The following EBF2 variants were observed in gnomAD, a reference collection of about 807,000 sequenced individuals.
EBF2 encodes the protein transcription factor COE2.
EBF2 carries 21 observed loss-of-function variants against 72.8 expected under a neutral mutation model. The observed-to-expected ratio is 0.29, with a 90% confidence interval of 0.20 to 0.42. The LOEUF (loss-of-function observed/expected upper bound fraction) is 0.42, where lower values mean the gene tolerates loss of function less well. Ranked by LOEUF, EBF2 falls within the 10% of genes least tolerant of loss-of-function variation. The pLI is 1.00. For synonymous variants in EBF2, 299 were observed against 274.2 expected, an observed-to-expected ratio of 1.09 and a Z score of -0.89; for missense variants, 637 against 731.2, an observed-to-expected ratio of 0.87 and a Z score of 1.49.
At chr8:26,012,965 C>A (rs915029548) in intron 6 of EBF2, among the ~76,000 whole-genome samples, 5 of 152,166 alleles carry the variant, frequency 3.3e-5, no homozygotes, top group Admixed American at 6.5e-5. Context: ...CCCTGCCCAC[C>A]TGTAGCAGAG....
chr8:25,980,785 C>CAA (rs1491292138), intron 6 of EBF2, among the ~76,000 whole-genome samples: 1 of 42,008 alleles, frequency 2.4e-5, no homozygotes, highest in African/African-American at 7.6e-5. Flanking sequence ...GGGAGGCCAC[C>CAA]ACAAAAAAAA....
chr8:25,950,192 GT>G (rs1203317293), intron 6 of EBF2, among the ~76,000 whole-genome samples: 1 of 152,186 alleles, frequency 6.6e-6, no homozygotes, highest in African/African-American at 2.4e-5. Context: ...ATAACAGAAT[GT>G]TCGCTAGATT....
intron 7 of EBF2, among the ~76,000 whole-genome samples, chr8:25,906,929 A>C (rs751492991): frequency 2.0e-5 from 3 of 152,068 alleles, no homozygotes; most frequent in Admixed American, 2.0e-4. Flanking sequence ...TGATGGGGTT[A>C]AAAAATACTA....
rs1415421584 is a variant in EBF2, at chr8:25,940,817, T to C, written c.552-32262A>G. On this transcript the variant is annotated intron_variant, in intron 6 of 15. Coordinates refer to ENST00000520164, the MANE Select transcript of EBF2 (RefSeq NM_022659.4). ...ATGATTTCATTCATTGCATTTTCCA[T>C]GTGCCTCTTGAGGGAAGGCATGTGG... 9.2e-5 allele frequency among the ~76,000 whole-genome samples: 14 copies of C among 152,228 alleles called. 1 individual carries two copies. Among genetic ancestry groups the C allele is most frequent in the Admixed American group, 9.2e-4 (14 of 15,286 alleles).
intron 6 of EBF2, among the ~76,000 whole-genome samples, chr8:25,998,821 A>G (rs995799192): frequency 2.0e-5 from 3 of 152,232 alleles, no homozygotes; most frequent in Non-Finnish European, 4.4e-5. Context: ...ACTACCTGGC[A>G]TTACACAAAA....
intron 1 of EBF2, among the ~76,000 whole-genome samples, chr8:26,043,523 G>A (rs1032479733): frequency 2.6e-5 from 4 of 152,180 alleles, no homozygotes; most frequent in African/African-American, 9.7e-5. Flanking sequence ...GAAGCGCTGC[G>A]GAAAGCCGCG....
chr8:26,038,638 A>G (rs1370248850), intron 5 of EBF2, among the ~76,000 whole-genome samples: 1 of 152,244 alleles, frequency 6.6e-6, no homozygotes, highest in African/African-American at 2.4e-5. Flanking sequence ...TATATGAACT[A>G]CATCTCAGAA....
rs148424395 is a variant in EBF2 at position 25,988,955 on chromosome 8, T to C, written c.551+44130A>G. Among the ~76,000 whole-genome samples, 111 of 152,376 alleles carry C rather than the reference T, an allele frequency of 7.3e-4. 1 individual carries two copies. Among genetic ancestry groups the C allele is most frequent in the Admixed American group, 2.1e-3 (32 of 15,310 alleles). ...TACACAAAAACTAAACTAGCAACAT[T>C]GTATCATCCTATCATATTTAATTAA... On this transcript the variant is annotated intron_variant, in intron 6 of 15. Coordinates refer to ENST00000520164, the MANE Select transcript of EBF2 (RefSeq NM_022659.4).
intron 6 of EBF2, chr8:26,032,862 C>T: frequency 3.6e-6 from 2 of 553,810 alleles, no homozygotes; most frequent in Non-Finnish European, 3.2e-6. Context: ...AGCTGGTGCA[C>T]CTGGAAAAGA....
chr8:25,857,444 C>A (rs896252647), intron 14 of EBF2, among the ~76,000 whole-genome samples: 10 of 152,162 alleles, frequency 6.6e-5, no homozygotes, highest in African/African-American at 2.4e-4. Flanking sequence ...GGGAACCACA[C>A]TGGGTAAAAA....
intron 6 of EBF2, among the ~76,000 whole-genome samples, chr8:25,910,346 A>G (rs1278198243): frequency 6.6e-6 from 1 of 152,068 alleles, no homozygotes. Flanking sequence ...GCTGCACCCC[A>G]CACTGGCCCT....
intron 6 of EBF2, among the ~76,000 whole-genome samples, chr8:25,928,147 T>G (rs1348442557): frequency 1.3e-5 from 2 of 151,858 alleles, no homozygotes; most frequent in African/African-American, 4.8e-5. Flanking sequence ...GAGTAAAAGG[T>G]TTTTTTTAGG....
chr8:25,905,670 A>G lies in EBF2; in HGVS notation c.633+2804T>C, dbSNP rs74567571. On this transcript the variant is annotated intron_variant, in intron 7 of 15. Transcript: ENST00000520164. ...GACAGAAAGTAGATTAGTGGTTGCC[A>G]GTGAATGGGGAGAAACAGGAACTGG... is the stretch of plus-strand genomic sequence containing the variant. Among the ~76,000 whole-genome samples, 20 of 152,346 alleles carry G rather than the reference A, an allele frequency of 1.3e-4. No homozygotes were observed. The East Asian group carries it at 3.9e-3, about 29-fold the overall frequency.
At chr8:25,959,281 T>G (rs1460110457) in intron 6 of EBF2, among the ~76,000 whole-genome samples, 2 of 152,216 alleles carry the variant, frequency 1.3e-5, no homozygotes, top group Non-Finnish European at 2.9e-5. Flanking sequence ...CTCAGCTCAC[T>G]GCAACTTCTG....
intron 6 of EBF2, among the ~76,000 whole-genome samples, chr8:26,017,692 A>T (rs1480736069): frequency 2.6e-5 from 4 of 152,220 alleles, no homozygotes; most frequent in African/African-American, 9.7e-5. Flanking sequence ...CCACTGCAAG[A>T]CTCAAGTTCC....
At chr8:26,001,839 A>ATGC (rs1563204318) in intron 6 of EBF2, among the ~76,000 whole-genome samples, 8 of 151,944 alleles carry the variant, frequency 5.3e-5, no homozygotes, top group African/African-American at 1.9e-4. Context: ...GTGAGCCACC[A>ATGC]CACCCAGCCC....
chr8:25,928,195 T>G (rs1477028153), intron 6 of EBF2, among the ~76,000 whole-genome samples: 1 of 152,164 alleles, frequency 6.6e-6, no homozygotes, highest in East Asian at 1.9e-4. Context: ...GTACAGCTAG[T>G]GTGGATTCCT....
At chr8:25,938,944 C>T (rs959153711) in intron 6 of EBF2, among the ~76,000 whole-genome samples, 2 of 152,230 alleles carry the variant, frequency 1.3e-5, no homozygotes, top group African/African-American at 2.4e-5. Flanking sequence ...GACTGTTGCT[C>T]TTCTTCCTCT....
chr8:25,897,815 A>G (rs1416757415), intron 7 of EBF2, among the ~76,000 whole-genome samples: 1 of 152,250 alleles, frequency 6.6e-6, no homozygotes, highest in East Asian at 1.9e-4. Context: ...TAATGCAGCA[A>G]TGAACATACA....
Sources: gnomAD v4.1 joint callset for allele counts (sites outside exome capture counted in the v4.1 genomes callset) on GRCh38, gnomAD v4.1.1 for gene constraint, MANE v1.5 for transcripts, NCBI Gene and HGNC (gene_info 2026-07-23, HGNC 2026-07-21) for gene names.